ZSCAN5A: variants seen among roughly 807,000 people sequenced by gnomAD.
The protein encoded by ZSCAN5A is zinc finger and SCAN domain-containing protein 5A.
ZSCAN5A carries 12 observed loss-of-function variants against 23.7 expected under a neutral mutation model. That is an observed-to-expected ratio of 0.51 (90% CI 0.32 to 0.82). The LOEUF (loss-of-function observed/expected upper bound fraction) is 0.82, where lower values mean the gene tolerates loss of function less well. Among genes scored for constraint, ZSCAN5A ranks in the 40% least tolerant of loss-of-function variants. ZSCAN5A has a pLI of 0.03. For missense variants in ZSCAN5A, 597 were observed against 617.9 expected (o/e 0.97, Z 0.36); for synonymous variants, 257 against 239.9 (o/e 1.07, Z -0.66).
intron 2 of ZSCAN5A, among the ~76,000 whole-genome samples, chr19:56,272,047 C>A (rs2037886694): frequency 6.6e-6 from 1 of 152,176 alleles, no homozygotes; most frequent in Non-Finnish European, 1.5e-5. Flanking sequence ...CTGGAAATAT[C>A]ATTATCCCAA....
chr19:56,331,181 G>C (rs1051837462), intron 2 of ZSCAN5A, among the ~76,000 whole-genome samples: 1 of 152,126 alleles, frequency 6.6e-6, no homozygotes, highest in Non-Finnish European at 1.5e-5. Context: ...TTTGCATGCT[G>C]TTTTGCTTAT....
At chr19:56,293,463 T>C (rs1389368688) in intron 2 of ZSCAN5A, among the ~76,000 whole-genome samples, 1 of 152,206 alleles carries the variant, frequency 6.6e-6, no homozygotes, top group African/African-American at 2.4e-5. Flanking sequence ...TTGTATGTTG[T>C]ATATATTGTA....
intron 2 of ZSCAN5A, among the ~76,000 whole-genome samples, chr19:56,343,715 C>T (rs1004234353): frequency 1.3e-5 from 2 of 152,208 alleles, no homozygotes; most frequent in Non-Finnish European, 2.9e-5. Context: ...ACGTTCCCCA[C>T]GCTGGAGAGA....
intron 2 of ZSCAN5A, among the ~76,000 whole-genome samples, chr19:56,243,703 A>G (rs1184009171): frequency 2.6e-5 from 4 of 152,228 alleles, no homozygotes; most frequent in African/African-American, 9.6e-5. Context: ...CTTCTGCACA[A>G]TGATTTCCTG....
At chr19:56,238,155 C>A (rs374341061) in intron 2 of ZSCAN5A, among the ~76,000 whole-genome samples, 1 of 130,714 alleles carries the variant, frequency 7.7e-6, no homozygotes, top group Non-Finnish European at 1.7e-5. Context: ...TACACACATA[C>A]GCACACATAC....
intron 2 of ZSCAN5A, among the ~76,000 whole-genome samples, chr19:56,353,220 A>G (rs1473995037): frequency 6.6e-6 from 1 of 152,212 alleles, no homozygotes; most frequent in Non-Finnish European, 1.5e-5. Context: ...GGAGAAGCAC[A>G]TACAGGGAAG....
intron 2 of ZSCAN5A, among the ~76,000 whole-genome samples, chr19:56,329,858 G>A (rs1011520790): frequency 6.6e-6 from 1 of 151,952 alleles, no homozygotes; most frequent in Non-Finnish European, 1.5e-5. Context: ...TCCACTTTAG[G>A]TTCATGGAAT....
At chr19:56,341,746 A>T (rs1387299899) in intron 2 of ZSCAN5A, among the ~76,000 whole-genome samples, 2 of 149,440 alleles carry the variant, frequency 1.3e-5, no homozygotes, top group Non-Finnish European at 3.0e-5. Context: ...CAGTGCACAG[A>T]ATATTATGTT....
intron 2 of ZSCAN5A, among the ~76,000 whole-genome samples, chr19:56,357,858 T>G (rs1249777116): frequency 6.7e-6 from 1 of 148,352 alleles, no homozygotes; most frequent in Non-Finnish European, 1.5e-5. Flanking sequence ...ACTGCTGTAT[T>G]CAAGAGACCC....
intron 2 of ZSCAN5A, among the ~76,000 whole-genome samples, chr19:56,235,306 G>T (rs1332846818): frequency 3.8e-5 from 1 of 26,418 alleles, no homozygotes; most frequent in Non-Finnish European, 7.6e-5. Context: ...GCCTCTGATG[G>T]ACCGTGGGCC....
At chr19:56,224,534 C>T (rs10416432) in intron 3 of ZSCAN5A, 129 bp downstream of exon 3, 269,174 of 1,021,084 alleles carry the variant, frequency 0.26, 41,925 homozygotes, top group Middle Eastern at 0.37. Flanking sequence ...GTGTCCCCGA[C>T]GGGCAAACTC....
At chr19:56,368,029 T>C (rs547949246) in intron 1 of ZSCAN5A, 1 of 152,420 alleles carries the variant, frequency 6.6e-6, no homozygotes, top group African/African-American at 2.4e-5. Flanking sequence ...TGATATACGC[T>C]TCAGCCCTCA....
At chr19:56,322,511 T>G (rs2041387237) in intron 2 of ZSCAN5A, among the ~76,000 whole-genome samples, 1 of 152,238 alleles carries the variant, frequency 6.6e-6, no homozygotes, top group South Asian at 2.1e-4. Context: ...CAAAATATCC[T>G]GGAAAAACTT....
intron 2 of ZSCAN5A, among the ~76,000 whole-genome samples, chr19:56,226,391 C>A (rs1023243053): frequency 1.3e-5 from 2 of 152,194 alleles, no homozygotes; most frequent in East Asian, 1.9e-4. Flanking sequence ...AAACACATAA[C>A]CCACTAGAAG....
chr19:56,341,716 A>AAC (rs1013053472), intron 2 of ZSCAN5A, among the ~76,000 whole-genome samples: 1 of 150,864 alleles, frequency 6.6e-6, no homozygotes, highest in African/African-American at 2.4e-5. Context: ...AAAAAAAAAA[A>AAC]AAAAAAAAAA....
chr19:56,250,895 G>A (rs1158152699), intron 2 of ZSCAN5A, among the ~76,000 whole-genome samples: 1 of 151,954 alleles, frequency 6.6e-6, no homozygotes, highest in Non-Finnish European at 1.5e-5. Context: ...AATGACCACT[G>A]ATCCCAGCAC....
chr19:56,289,870 T>C (rs10402940), intron 2 of ZSCAN5A, among the ~76,000 whole-genome samples: 1 of 152,190 alleles, frequency 6.6e-6, no homozygotes, highest in African/African-American at 2.4e-5. Flanking sequence ...CATCTCAGCC[T>C]GCCAAAGTGC....
rs76571826 is a variant in ZSCAN5A, at chr19:56,240,451, C to T, written c.-127-15278G>A. Among the ~76,000 whole-genome samples the T allele has an allele frequency of 9.3e-3, 1,408 of 152,196 alleles. 16 individuals are homozygous for T. Among genetic ancestry groups the T allele is most frequent in the African/African-American group, 0.03 (1,250 of 41,510 alleles). ...AATGGGGCCTGGAGTCCTTCGACTT[C>T]TCCATAAATAGGCGCAGTTCAGCTC... On this transcript the variant is annotated intron_variant, in intron 2 of 5. Coordinates refer to ENST00000683990, the MANE Select transcript of ZSCAN5A (RefSeq NM_001322064.3).
At chr19:56,243,968 C>T (rs555104039) in intron 2 of ZSCAN5A, 1 of 621,418 alleles carries the variant, frequency 1.6e-6, no homozygotes, top group African/African-American at 1.8e-5. Context: ...GGAGGCCTGT[C>T]TAGATAGGTC....
Sources: allele counts gnomAD v4.1 joint callset (sites outside exome capture counted in the v4.1 genomes callset), GRCh38; gene constraint gnomAD v4.1.1; transcripts MANE v1.5; gene names NCBI Gene and HGNC (gene_info 2026-07-23, HGNC 2026-07-21).